PWWP3A: variants seen among roughly 807,000 people sequenced by gnomAD.
PWWP3A encodes the protein PWWP domain-containing DNA repair factor 3A.
In PWWP3A, 53 loss-of-function variants were observed where a neutral mutation model predicts 79.0. The observed-to-expected ratio is 0.67, with a 90% confidence interval of 0.54 to 0.84. The LOEUF (loss-of-function observed/expected upper bound fraction) is 0.84, where lower values mean the gene tolerates loss of function less well. Among genes scored for constraint, PWWP3A ranks in the 40% least tolerant of loss-of-function variants. PWWP3A has a pLI of 0.00. For missense variants in PWWP3A, 973 were observed against 948.0 expected, an observed-to-expected ratio of 1.03 and a Z score of -0.35; for synonymous variants, 443 against 394.4, an observed-to-expected ratio of 1.12 and a Z score of -1.46.
rs2081985721 is a variant in PWWP3A, at chr19:1,360,451, A to G, written c.530A>G (p.Lys177Arg). ...GACCCCGAGTGCAAAGTGGACCACA[A>G]GAAGGGGCTCAGGAAAAGTGAAAAC... ...EKDPECKVDH[K>R]KGLRKSENPR... The change falls in exon 5 of 14, where the codon AAG becomes AGG. Residue 177 changes from lysine (K) to arginine (R), a missense_variant. Transcript: ENST00000591337. The surrounding 1 kb of genome is among the most constrained non-coding windows in gnomAD (Gnocchi z 4.4). 1.9e-6 allele frequency: 3 copies of G among 1,614,196 alleles called. No individual in the cohort carries two copies. The highest frequency in any genetic ancestry group is 1.6e-4 in the Middle Eastern group (1 of 6,062).
rs1227621082 is a variant in PWWP3A at position 1,373,397 on chromosome 19, CG to C, written c.2075+240del. The stretch of plus-strand genomic sequence containing the variant: ...GGTCGCTGTGGGCAGCACGGGGCCA[CG>C]GGCACGTGCCTGGGCCGTGTCTGTT... On this transcript the variant is annotated intron_variant, in intron 13 of 13. Coordinates refer to ENST00000591337, the MANE Select transcript of PWWP3A (RefSeq NM_001369789.1). The C allele has an allele frequency of 3.2e-5, 18 of 564,726 alleles. No homozygotes were observed. In the African/African-American group the frequency reaches 3.4e-4, roughly 11 times the overall value. The allele number at this position is 564,726 out of a possible 1,614,324, so 35.0% of individuals were successfully genotyped here. A position where few individuals can be genotyped will look rare whatever the true frequency, so the allele number is the denominator to read the frequency against.
rs543318872 is a variant in PWWP3A, at chr19:1,372,996, C to T, written c.1987-76C>T. 3.5e-5 allele frequency: 45 copies of T among 1,287,068 alleles called. No homozygotes were observed. The Admixed American group carries it at 4.5e-4, about 13-fold the overall frequency. The allele number at this position is 1,287,068 out of a possible 1,614,324, so 79.7% of individuals were successfully genotyped here. A position where few individuals can be genotyped will look rare whatever the true frequency, so the allele number is the denominator to read the frequency against. ...GGAACCTGGTGACCCAGGCTCCCTG[C>T]GGCCTTCTTAACCGCAGGCCACTTG... On this transcript the variant is annotated intron_variant, in intron 12 of 13. Coordinates refer to ENST00000591337, the MANE Select transcript of PWWP3A (RefSeq NM_001369789.1).
chr19:1,355,666 C>T (rs1005566812), intron 1 of PWWP3A, among the ~76,000 whole-genome samples: 1 of 150,958 alleles, frequency 6.6e-6, no homozygotes, highest in African/African-American at 2.4e-5. Context: ...GTCCCTGCTG[C>T]CTGGACCCCT....
chr19:1,371,203 G>T (rs564469399), intron 12 of PWWP3A, 125 bp downstream of exon 12: 1 of 1,064,900 alleles, frequency 9.4e-7, no homozygotes, highest in Non-Finnish European at 1.4e-6. Context: ...CCAACGGAGC[G>T]TGGAGGCCTC....
At chr19:1,376,253 G>A (rs2082390208) in intron 13 of PWWP3A, among the ~76,000 whole-genome samples, 1 of 144,554 alleles carries the variant, frequency 6.9e-6, no homozygotes, top group African/African-American at 2.6e-5. Context: ...AGCCTCCTAA[G>A]TAGCTGGGAT....
intron 7 of PWWP3A, among the ~76,000 whole-genome samples, chr19:1,365,649 G>A (rs1050751465): frequency 5.3e-5 from 8 of 152,344 alleles, no homozygotes; most frequent in East Asian, 3.9e-4. Context: ...TGGACCCTCC[G>A]CCCTCCCTTG....
Position 1,370,804 on chromosome 19 carries a change from C to A in PWWP3A, c.1712C>A (p.Ala571Asp). The A allele has an allele frequency of 6.4e-7, 1 of 1,563,104 alleles. No homozygotes were observed. The highest frequency in any genetic ancestry group is 8.7e-7 in the Non-Finnish European group (1 of 1,152,972). Residue 571 changes from alanine (A) to aspartate (D), a missense_variant, in exon 12 of 14, where the codon GCC (alanine) becomes GAC (aspartate). By Grantham distance (126) the Ala-to-Asp change is moderately radical. Transcript: ENST00000591337. ...PDRSRAARDR[A>D]NQKLVEYIVK... Reference sequence around the variant, plus strand: ...CGCTCGCGGGCCGCCCGGGACCGGGCCAACCAGAAGCTGGTGGAGTACATT... The same window carrying A: ...CGCTCGCGGGCCGCCCGGGACCGGGACAACCAGAAGCTGGTGGAGTACATT...
In PWWP3A at chr19:1,366,455, G is replaced by A. The variant is rs142273631; in HGVS notation, c.1361+74G>A. ...GGCCGCTCTCAGAGTCAGAGCGGGC[G>A]TGGGGATGGAGGGACAGAGGGGAGG... On this transcript the variant is annotated intron_variant, in intron 8 of 13. Transcript: ENST00000591337. The A allele has an allele frequency of 8.7e-4, 1,227 of 1,407,244 alleles. 6 individuals are homozygous for A. The African/African-American group carries it at 0.015, about 17-fold the overall frequency. 87.2% of individuals were successfully genotyped at this position (1,407,244 alleles called of 1,614,324 possible). A position where few individuals can be genotyped will look rare whatever the true frequency, so the allele number is the denominator to read the frequency against.
intron 3 of PWWP3A, chr19:1,358,139 T>A: frequency 2.1e-6 from 1 of 469,764 alleles, no homozygotes; most frequent in Non-Finnish European, 3.7e-6. Flanking sequence ...AAGTCACAAT[T>A]TGAATTCATT....
At chr19:1,376,307 G>GTTTTTTTTTTTTT (rs1300598453) in intron 13 of PWWP3A, among the ~76,000 whole-genome samples, 2 of 70,386 alleles carry the variant, frequency 2.8e-5, no homozygotes, top group Non-Finnish European at 2.5e-5. Flanking sequence ...TTTTTTTTTT[G>GTTTTTTTTTTTTT]TTTGTTTTTT....
Position 1,373,142 on chromosome 19 carries a change from G to C in PWWP3A, c.2057G>C (p.Gly686Ala). ...YKTAEEKYIKGPSLSYREKEI... is the reference protein window; with the variant it reads ...YKTAEEKYIKAPSLSYREKEI... Reference sequence around the variant, plus strand: ...ACGGCTGAGGAGAAGTACATCAAGGGGCCTTCGCTGAGCTACCGGTAGGCC... The same window carrying C: ...ACGGCTGAGGAGAAGTACATCAAGGCGCCTTCGCTGAGCTACCGGTAGGCC... Residue 686 changes from glycine to alanine, a missense_variant, in exon 13 of 14, where the codon GGG becomes GCG. By Grantham distance (60) the Gly-to-Ala change is moderately conservative (BLOSUM62 0). Coordinates refer to ENST00000591337, the MANE Select transcript of PWWP3A (RefSeq NM_001369789.1). 2 of 1,614,162 alleles carry C rather than the reference G, an allele frequency of 1.2e-6. No homozygotes were observed. Among genetic ancestry groups the C allele is most frequent in the Non-Finnish European group, 1.7e-6 (2 of 1,180,012 alleles).
rs761132487 is a variant in PWWP3A at position 1,360,491 on chromosome 19, G to T, written c.570G>T (p.Leu190Phe). ...LRKSENPRGP[L>F]VLPAGGGAQD... ...AAAGTGAAAACCCAAGAGGCCCGTT[G>T]GTCCTCCCAGCTGGAGGTGGTGCCC... is the stretch of plus-strand genomic sequence containing the variant. The change falls in exon 5 of 14, where the codon TTG (leucine) becomes TTT (phenylalanine). Residue 190 changes from leucine (L) to phenylalanine (F), a missense_variant. Leu to Phe is a conservative substitution (Grantham distance 22). Coordinates refer to ENST00000591337, the MANE Select transcript of PWWP3A (RefSeq NM_001369789.1). The surrounding 1 kb of genome is among the most constrained non-coding windows in gnomAD (Gnocchi z 4.4). The T allele has an allele frequency of 1.2e-6, 2 of 1,614,196 alleles. No individual in the cohort carries two copies. Among genetic ancestry groups the T allele is most frequent in the East Asian group, 2.2e-5 (1 of 44,892 alleles).
intron 6 of PWWP3A, among the ~76,000 whole-genome samples, 169 bp from the exon 7 acceptor site, chr19:1,364,340 A>T (rs1371106777): frequency 6.6e-6 from 1 of 152,216 alleles, no homozygotes; most frequent in Admixed American, 6.5e-5. Flanking sequence ...AGTGTGGGGT[A>T]TGTGAATCTG....
rs1377064993 is a variant in PWWP3A, at chr19:1,359,006, C to T, written c.214+542C>T. ...CGAGGCAGGTCGGAAGTGGAGCTCT[C>T]GGCTTCCCATCCATCCGGGTGCGCT... On this transcript the variant is annotated intron_variant, in intron 4 of 13. Transcript: ENST00000591337. 6.6e-5 allele frequency: 20 copies of T among 301,554 alleles called. 1 individual carries two copies. The highest frequency in any genetic ancestry group is 8.1e-5 in the Non-Finnish European group (12 of 148,536). The allele number at this position is 301,554 out of a possible 1,614,324, so 18.7% of individuals were successfully genotyped here. A position where few individuals can be genotyped will look rare whatever the true frequency, so the allele number is the denominator to read the frequency against.
intron 13 of PWWP3A, among the ~76,000 whole-genome samples, chr19:1,375,295 G>A (rs967396046): frequency 6.0e-5 from 9 of 149,456 alleles, no homozygotes; most frequent in South Asian, 2.1e-4. Context: ...GTTCGATGGC[G>A]GTGAGCACTT....
chr19:1,361,856 C>G (rs533139423), intron 5 of PWWP3A: 102 of 193,526 alleles, frequency 5.3e-4, no homozygotes, highest in African/African-American at 2.2e-3. Context: ...CACCCCTACC[C>G]TGTTCTATAG....
At position 1,368,616 on chromosome 19, in the gene PWWP3A, T is replaced by G. The variant is rs2082178822; in HGVS notation, c.1423-649T>G. ...GGGTCATTGTGTGATGGTCGTGGCT[T>G]TATGGCATCTTTGGGACGGCTGTGT... On this transcript the variant is annotated intron_variant, in intron 9 of 13. Coordinates refer to ENST00000591337, the MANE Select transcript of PWWP3A (RefSeq NM_001369789.1). This position sits in a 1 kb window ranked among gnomAD's most constrained non-coding sequence, Gnocchi z 4.7. 6.6e-6 allele frequency among the ~76,000 whole-genome samples: 1 copy of G among 152,172 alleles called. No individual in the cohort carries two copies. The highest frequency in any genetic ancestry group is 1.5e-5 in the Non-Finnish European group (1 of 68,020).
intron 11 of PWWP3A, among the ~76,000 whole-genome samples, chr19:1,370,196 G>A (rs973829462): frequency 1.3e-5 from 2 of 152,152 alleles, no homozygotes; most frequent in African/African-American, 4.8e-5. Flanking sequence ...TGATTGCACC[G>A]CTGCACTCCA....
chr19:1,370,544 C>A (rs1221442784), intron 11 of PWWP3A, 98 bp from the exon 12 acceptor site: 3 of 1,124,360 alleles, frequency 2.7e-6, no homozygotes, highest in Non-Finnish European at 3.7e-6. Flanking sequence ...GGTCTGCCCC[C>A]ATCCCTGCCA....
Sources: allele counts gnomAD v4.1 joint callset (sites outside exome capture counted in the v4.1 genomes callset), GRCh38; gene constraint gnomAD v4.1.1; non-coding constraint Gnocchi (gnomAD v3.1); transcripts MANE v1.5; gene names NCBI Gene and HGNC (gene_info 2026-07-23, HGNC 2026-07-21).